Variants in RASAL3 observed in about 807,000 individuals in gnomAD.
RASAL3 encodes RAS protein activator like-3.
In RASAL3, 74 loss-of-function variants were observed where a neutral mutation model predicts 105.5. The ratio of observed to expected loss-of-function variants is 0.70; its 90% CI spans 0.58 to 0.85. The LOEUF is 0.85. RASAL3 is among the 40% of genes least tolerant of loss of function. The pLI is 0.00. For missense variants in RASAL3, 1,352 were observed against 1,392.0 expected (o/e 0.97, Z 0.46); for synonymous variants, 579 against 591.6 (o/e 0.98, Z 0.31).
In RASAL3 at chr19:15,457,333, C is replaced by A; in HGVS notation, c.1390G>T (p.Ala464Ser). The change falls in exon 9 of 18, where the codon GCA becomes TCA. Residue 464 changes from alanine (A) to serine (S), a missense_variant. Ala to Ser is a moderately conservative substitution (Grantham distance 99). Transcript: ENST00000343625. The surrounding 1 kb of genome is among the most constrained non-coding windows in gnomAD (Gnocchi z 8.6). ...GCCCGCAGCACGCGCACCATGGCTG[C>A]CGCCAGCTCCTCCTTGGCCTGCGCA... The part of the protein sequence containing the change: ...LPAQAKEELA[A>S]AMVRVLRATG... The A allele has an allele frequency of 1.5e-6, 2 of 1,373,348 alleles. No individual in the cohort carries two copies. Among genetic ancestry groups the A allele is most frequent in the Non-Finnish European group, 9.3e-7 (1 of 1,069,798 alleles). 85.1% of individuals were successfully genotyped at this position (1,373,348 alleles called of 1,614,324 possible). A position where few individuals can be genotyped will look rare whatever the true frequency, so the allele number is the denominator to read the frequency against.
Position 15,456,712 on chromosome 19 carries a change from G to T in RASAL3, c.1432-66C>A. 1.3e-6 allele frequency: 2 copies of T among 1,555,084 alleles called. No homozygotes were observed. Among genetic ancestry groups the T allele is most frequent in the South Asian group, 2.3e-5 (2 of 85,858 alleles). On this transcript the variant is annotated intron_variant, in intron 9 of 17. Transcript: ENST00000343625. This position sits in a 1 kb window ranked among gnomAD's most constrained non-coding sequence, Gnocchi z 4.4. ...GAGTCCAAGGGAATTCGGATCCTTG[G>T]CTGGTCCCTCACACCAGAGGCACAG...
At chr19:15,452,581 G>GGGA in intron 16 of RASAL3, 77 bp downstream of exon 16, 3 of 1,206,412 alleles carry the variant, frequency 2.5e-6, no homozygotes, top group Non-Finnish European at 3.3e-6. Flanking sequence ...GGTTTGGGGG[G>GGGA]GGGGGGGAGG....
Position 15,456,233 on chromosome 19 carries a change from C to T in RASAL3, c.1592G>A (p.Arg531His), listed in dbSNP as rs199543113. The change falls in exon 11 of 18, where the codon CGT becomes CAT. Residue 531 changes from arginine (R) to histidine (H), a missense_variant. Around this residue, in one of 3 missense-constraint regions of RASAL3, gnomAD observed 920 missense variants for 919.6 expected, o/e 1.00. Coordinates refer to ENST00000343625, the MANE Select transcript of RASAL3 (RefSeq NM_022904.3). The surrounding 1 kb of genome is among the most constrained non-coding windows in gnomAD (Gnocchi z 4.4). ...ACAGTCCTCAGTAGAAGCACAGAGA[C>T]GCCGCACAACCTGTCCTGCAGCCCA... ...LQETLGQVVR[R>H]LCASTEDCEV... The T allele has an allele frequency of 2.2e-4, 353 of 1,613,690 alleles. No homozygotes were observed. The highest frequency in any genetic ancestry group is 3.3e-4 in the Middle Eastern group (2 of 6,024).
Position 15,451,712 on chromosome 19 carries a change from G to A in RASAL3, c.*83C>T. Reference sequence around the variant, plus strand: ...TCCACTCCCCACTGTAGGCCAAGTAGGGCTAAGGCAAAGTCAGACACCCCC... The same window carrying A: ...TCCACTCCCCACTGTAGGCCAAGTAAGGCTAAGGCAAAGTCAGACACCCCC... On this transcript the variant is annotated 3_prime_UTR_variant, in exon 18 of 18. Transcript: ENST00000343625. 6.8e-7 allele frequency: 1 copy of A among 1,481,176 alleles called. No homozygotes were observed. The highest frequency in any genetic ancestry group is 9.1e-7 in the Non-Finnish European group (1 of 1,094,484). The allele number at this position is 1,481,176 out of a possible 1,614,324, so 91.8% of individuals were successfully genotyped here.
Position 15,461,308 on chromosome 19 carries a change from C to A in RASAL3, c.466-12G>T. ...GGCCTTCGAGGACCCTGTTCTCCCG[C>A]AGGAGTGGGTAGTCAGAGAGGGGAG... On this transcript the variant is annotated splice_polypyrimidine_tract_variant and intron_variant, in intron 3 of 17. Coordinates refer to ENST00000343625, the MANE Select transcript of RASAL3 (RefSeq NM_022904.3). 6.2e-7 allele frequency: 1 copy of A among 1,611,470 alleles called. No individual in the cohort carries two copies. The highest frequency in any genetic ancestry group is 8.5e-7 in the Non-Finnish European group (1 of 1,178,854).
In RASAL3 at chr19:15,452,738, G is replaced by T; in HGVS notation, c.2748C>A (p.Ser916Arg). 1 of 1,559,508 alleles carries T rather than the reference G, an allele frequency of 6.4e-7. No homozygotes were observed. The highest frequency in any genetic ancestry group is 8.7e-7 in the Non-Finnish European group (1 of 1,151,450). Residue 916 changes from serine (S) to arginine (R), a missense_variant, in exon 16 of 18, where the codon AGC becomes AGA. Coordinates refer to ENST00000343625, the MANE Select transcript of RASAL3 (RefSeq NM_022904.3). ...GCTCCGTCAAGGCCCGGATTTGGGT[G>T]CTCAGCGACTCCACGAGGCGGGACA... The part of the protein sequence containing the change: ...KVLSRLVESL[S>R]TQIRALTEQQ...
chr19:15,451,852 C>A lies in RASAL3; in HGVS notation c.2979G>T (p.Gly993=), dbSNP rs776258818. The A allele has an allele frequency of 2.1e-5, 34 of 1,608,294 alleles. No homozygotes were observed. Among genetic ancestry groups the A allele is most frequent in the Non-Finnish European group, 1.7e-5 (20 of 1,175,810 alleles). Residue 993 remains glycine, a synonymous_variant, in exon 18 of 18, where the codon GGG becomes GGT. Coordinates refer to ENST00000343625, the MANE Select transcript of RASAL3 (RefSeq NM_022904.3). The part of the protein sequence containing the change: ...QSLQLSPRTR[G]SWSQPQPLKA... ...TGAGGGGCTGGGGTTGACTCCAAGA[C>A]CCCCGCGTCCTTGGAGAAAGCTGCA... is the stretch of plus-strand genomic sequence containing the variant.
In RASAL3 at chr19:15,461,400, C is replaced by G. The variant is rs1009446554; in HGVS notation, c.465+71G>C. The G allele has an allele frequency of 2.2e-4, 332 of 1,526,098 alleles. 1 individual carries two copies. Among genetic ancestry groups the G allele is most frequent in the Non-Finnish European group, 4.6e-5 (52 of 1,123,524 alleles). 94.5% of individuals were successfully genotyped at this position (1,526,098 alleles called of 1,614,324 possible). Reference sequence around the variant, plus strand: ...CACCTTCCCATTATCCTCCCTCCAGCCCCTGCCTCTGTTCTGCCCTCCTCC... The same window carrying G: ...CACCTTCCCATTATCCTCCCTCCAGGCCCTGCCTCTGTTCTGCCCTCCTCC... On this transcript the variant is annotated intron_variant, in intron 3 of 17. Transcript: ENST00000343625.
In RASAL3 at chr19:15,452,127, T is replaced by A; in HGVS notation, c.2829-19A>T. 6.2e-7 allele frequency: 1 copy of A among 1,613,514 alleles called. No homozygotes were observed. The highest frequency in any genetic ancestry group is 8.5e-7 in the Non-Finnish European group (1 of 1,179,668). Reference sequence around the variant, plus strand: ...TGAGCTCCTGTGGGGGTCGGGGGATTGGGGCGAAGGGCAGAGGCTAAGGAA... The same window carrying A: ...TGAGCTCCTGTGGGGGTCGGGGGATAGGGGCGAAGGGCAGAGGCTAAGGAA... On this transcript the variant is annotated intron_variant, in intron 16 of 17. Coordinates refer to ENST00000343625, the MANE Select transcript of RASAL3 (RefSeq NM_022904.3).
rs760630651 is a variant in RASAL3 at position 15,454,424 on chromosome 19, A to G, written c.2097T>C (p.Asp699=). The G allele has an allele frequency of 2.5e-6, 4 of 1,613,996 alleles. No individual in the cohort carries two copies. Among genetic ancestry groups the G allele is most frequent in the Non-Finnish European group, 3.4e-6 (4 of 1,179,882 alleles). ...AAPSGYQGSG[D]LALQLAVLHA... is the part of the protein sequence containing the mutation. ...GCAGGACAGCTAACTGGAGGGCCAG[A>G]TCACCACTGCCCTGGTAACCACTGG... The change falls in exon 13 of 18, where the codon GAT becomes GAC. Residue 699 remains aspartate, a synonymous_variant. Transcript: ENST00000343625.
At position 15,456,674 on chromosome 19, in the gene RASAL3, CCAGATGCAGA is replaced by C. The variant is rs1299620250; in HGVS notation, c.1432-38_1432-29del. 1 of 1,605,076 alleles carries C rather than the reference CCAGATGCAGA, an allele frequency of 6.2e-7. No individual in the cohort carries two copies. The highest frequency in any genetic ancestry group is 8.5e-7 in the Non-Finnish European group (1 of 1,177,752). ...AGGAAGGGCAGGAGGTCAGGTTGCA[CCAGATGCAGA>C]CAGAGTCCAAGGGAATTCGGATCCT... On this transcript the variant is annotated intron_variant, in intron 9 of 17. Coordinates refer to ENST00000343625, the MANE Select transcript of RASAL3 (RefSeq NM_022904.3). This position sits in a 1 kb window ranked among gnomAD's most constrained non-coding sequence, Gnocchi z 4.4.
intron 6 of RASAL3, among the ~76,000 whole-genome samples, 168 bp from the exon 7 acceptor site, chr19:15,458,823 T>C (rs1487874900): frequency 4.1e-5 from 5 of 122,652 alleles, no homozygotes; most frequent in Non-Finnish European, 1.6e-5. Context: ...TAGGATAAAC[T>C]CAACTCCTGG....
chr19:15,458,784 C>T, intron 6 of RASAL3, 129 bp from the exon 7 acceptor site: 1 of 1,172,336 alleles, frequency 8.5e-7, no homozygotes, highest in Non-Finnish European at 1.1e-6. Flanking sequence ...GTGCCCCCCC[C>T]ACCCCCCGCC....
intron 2 of RASAL3, among the ~76,000 whole-genome samples, chr19:15,462,485 C>CAAAACAAAAAAACA (rs1970540650): frequency 6.7e-6 from 1 of 149,380 alleles, no homozygotes; most frequent in Non-Finnish European, 1.5e-5. Context: ...GACTGTGTCT[C>CAAAACAAAAAAACA]AAAACAAAAA....
rs1490545470 is a variant in RASAL3, at chr19:15,451,904, G to C, written c.2927C>G (p.Ala976Gly). The change falls in exon 18 of 18, where the codon GCT becomes GGT. Residue 976 changes from alanine to glycine, a missense_variant. Ala to Gly is a moderately conservative substitution (Grantham distance 60). Around this residue, in one of 3 missense-constraint regions of RASAL3, gnomAD observed 920 missense variants for 919.6 expected, o/e 1.00. Transcript: ENST00000343625. ...HRLNEMERTQ[A>G]QLRDAVQSLQ... ...GCTCTGGACAGCATCCCTCAGCTGA[G>C]CCTGAGTTCTCTCCATCTCATTTAG... The C allele has an allele frequency of 6.2e-7, 1 of 1,608,376 alleles. No homozygotes were observed. Among genetic ancestry groups the C allele is most frequent in the Non-Finnish European group, 8.5e-7 (1 of 1,175,286 alleles).
chr19:15,458,949 T>TTTAC (rs1447625290), intron 6 of RASAL3, among the ~76,000 whole-genome samples: 1 of 151,960 alleles, frequency 6.6e-6, no homozygotes, highest in Non-Finnish European at 1.5e-5. Flanking sequence ...TATTTATTTA[T>TTTAC]TTATTTATTT....
In RASAL3 at chr19:15,461,356, A is replaced by C. The variant is rs561832737; in HGVS notation, c.466-60T>G. On this transcript the variant is annotated intron_variant, in intron 3 of 17. Transcript: ENST00000343625. ...GAGGCAGGCAGGCAGGCAGGCAGGC[A>C]GACCGAGGGAGAGGCAGACACCTTC... 1.8e-5 allele frequency: 28 copies of C among 1,554,540 alleles called. 2 individuals are homozygous for C. In the East Asian group the frequency reaches 4.0e-4, roughly 22 times the overall value.
In RASAL3 at chr19:15,453,591, C is replaced by A. The variant is rs1970228556; in HGVS notation, c.2280-94G>T. ...GAAGTGACCTCACCCCCCACGTGAA[C>A]TTGTCCTTTCTTTTTTTTTTTTGAG... On this transcript the variant is annotated intron_variant, in intron 14 of 17. Coordinates refer to ENST00000343625, the MANE Select transcript of RASAL3 (RefSeq NM_022904.3). The surrounding 1 kb of genome is among the most constrained non-coding windows in gnomAD (Gnocchi z 4.2). 47 of 1,256,344 alleles carry A rather than the reference C, an allele frequency of 3.7e-5. No homozygotes were observed. Among genetic ancestry groups the A allele is most frequent in the Non-Finnish European group, 4.9e-5 (47 of 952,738 alleles). The allele number at this position is 1,256,344 out of a possible 1,614,324, so 77.8% of individuals were successfully genotyped here.
intron 2 of RASAL3, among the ~76,000 whole-genome samples, chr19:15,462,679 G>A (rs1013221592): frequency 2.6e-5 from 4 of 151,660 alleles, no homozygotes; most frequent in Admixed American, 6.6e-5. Flanking sequence ...GGGGCCGGGC[G>A]CGGTGGCTCA....
Sources: gnomAD v4.1 joint callset for allele counts (sites outside exome capture counted in the v4.1 genomes callset) on GRCh38, gnomAD v4.1.1 for gene constraint, gnomAD v4.1.1 regional missense constraint, Gnocchi (gnomAD v3.1) non-coding constraint, MANE v1.5 for transcripts, NCBI Gene and HGNC (gene_info 2026-07-23, HGNC 2026-07-21) for gene names.